The following P2RY8 variants were observed in gnomAD, a reference collection of about 807,000 sequenced individuals.
P2RY8 encodes P2Y receptor family member 8, also known as S-geranylgeranyl-glutathione receptor P2RY8.
In P2RY8, 6 loss-of-function variants were observed where a neutral mutation model predicts 10.0. The observed-to-expected ratio is 0.60, with a 90% CI of 0.33 to 1.19. P2RY8 has a LOEUF of 1.19. P2RY8 is among the 50% of genes most tolerant of loss of function. The pLI, the probability that P2RY8 is intolerant of heterozygous loss-of-function variation, is 0.04. For synonymous variants in P2RY8, 276 were observed against 252.5 expected, an observed-to-expected ratio of 1.09 and a Z score of -0.88; for missense variants, 456 against 542.0, an observed-to-expected ratio of 0.84 and a Z score of 1.58.
At chrX:1,494,882 T>TTG (rs2092101406) in intron 1 of P2RY8, among the ~76,000 whole-genome samples, 1 of 121,620 alleles carries the variant, frequency 8.2e-6, no homozygotes, top group Non-Finnish European at 1.9e-5. Flanking sequence ...TTTTTTTTTT[T>TTG]TTGTATTTTT....
chrX:1,466,625 G>T, intron 1 of P2RY8, 43 bp from the exon 2 acceptor site: 1 of 1,520,914 alleles, frequency 6.6e-7, no homozygotes, highest in Non-Finnish European at 8.8e-7. Flanking sequence ...AGGGGCGCAG[G>T]TAAAGAGGCG....
chrX:1,506,624 C>G (rs758911418), intron 1 of P2RY8, among the ~76,000 whole-genome samples: 1 of 152,008 alleles, frequency 6.6e-6, no homozygotes, highest in South Asian at 2.1e-4. Context: ...AGCTCCGTGA[C>G]TCAGAGGGAC....
chrX:1,476,712 T>C (rs2091878302), intron 1 of P2RY8, among the ~76,000 whole-genome samples: 1 of 152,072 alleles, frequency 6.6e-6, no homozygotes, highest in African/African-American at 2.4e-5. Context: ...TCAAGAATAG[T>C]TGGAAATGTA....
chrX:1,487,747 C>T (rs1306449850), intron 1 of P2RY8, among the ~76,000 whole-genome samples: 2 of 152,118 alleles, frequency 1.3e-5, no homozygotes, highest in Non-Finnish European at 2.9e-5. Flanking sequence ...GAGCATAGTC[C>T]TGGCCTGCTG....
intron 1 of P2RY8, among the ~76,000 whole-genome samples, chrX:1,467,379 C>G (rs2091700997): frequency 6.6e-6 from 1 of 152,132 alleles, no homozygotes. Context: ...GTTTCAGTTT[C>G]AGGGAGAAGT....
At chrX:1,504,856 G>T (rs7392010) in intron 1 of P2RY8, among the ~76,000 whole-genome samples, 28,286 of 152,030 alleles carry the variant, frequency 0.19, 2,998 homozygotes, top group Middle Eastern at 0.39. Flanking sequence ...GCATTGGCCA[G>T]GCGTGGTGGC....
chrX:1,517,708 C>T (rs2092361113), intron 1 of P2RY8, among the ~76,000 whole-genome samples: 1 of 152,114 alleles, frequency 6.6e-6, no homozygotes, highest in Non-Finnish European at 1.5e-5. Flanking sequence ...CAGACCCAAG[C>T]GAGGTCTCAG....
intron 1 of P2RY8, among the ~76,000 whole-genome samples, chrX:1,530,065 C>CCT (rs1172722165): frequency 3.3e-5 from 5 of 150,882 alleles, no homozygotes; most frequent in African/African-American, 1.2e-4. Flanking sequence ...GAGAATCTCT[C>CCT]CTCTCTCTCT....
At chrX:1,525,828 T>C (rs1272141437) in intron 1 of P2RY8, among the ~76,000 whole-genome samples, 5 of 151,882 alleles carry the variant, frequency 3.3e-5, no homozygotes, top group Non-Finnish European at 5.9e-5. Flanking sequence ...CGCCCATTCA[T>C]TTATTCATGC....
rs370712855 is a variant in P2RY8 at position 1,493,014 on chromosome X, G to GA, written c.-24-26433dup. On this transcript the variant is annotated intron_variant, in intron 1 of 1. Coordinates refer to ENST00000381297, the MANE Select transcript of P2RY8 (RefSeq NM_178129.5). ...AACAGCACCTGTCTCACGAAGTTTC[G>GA]AAAATCCCAGAGATCAGGCCAGGCG... Among the ~76,000 whole-genome samples, 80 of 151,790 alleles carry GA rather than the reference G, an allele frequency of 5.3e-4. 1 individual carries two copies. The highest frequency in any genetic ancestry group is 1.8e-3 in the African/African-American group (76 of 41,398).
At chrX:1,499,163 C>CTTTTTTTTT (rs1163119480) in intron 1 of P2RY8, among the ~76,000 whole-genome samples, 1 of 48,438 alleles carries the variant, frequency 2.1e-5, no homozygotes, top group Admixed American at 2.3e-4. Flanking sequence ...TTTTTCTTTT[C>CTTTTTTTTT]TTTTTTTTTT....
At chrX:1,536,469 C>T (rs2092528052) in intron 1 of P2RY8, among the ~76,000 whole-genome samples, 1 of 152,004 alleles carries the variant, frequency 6.6e-6, no homozygotes. Flanking sequence ...ACCGTGTTAG[C>T]CAGGATGGTC....
At chrX:1,496,325 G>A (rs1375896063) in intron 1 of P2RY8, among the ~76,000 whole-genome samples, 3 of 152,178 alleles carry the variant, frequency 2.0e-5, no homozygotes, top group Admixed American at 6.5e-5. Context: ...GAGACAGCAC[G>A]TTACAGGGTG....
chrX:1,467,046 C>G lies in P2RY8; in HGVS notation c.-24-464G>C, dbSNP rs1324450862. Among the ~76,000 whole-genome samples the G allele has an allele frequency of 3.7e-5, 5 of 136,752 alleles. No individual in the cohort carries two copies. In the East Asian group the frequency reaches 1.1e-3, roughly 30 times the overall value. 89.7% of individuals were successfully genotyped at this position (136,752 alleles called of 152,430 possible). A position where few individuals can be genotyped will look rare whatever the true frequency, so the allele number is the denominator to read the frequency against. ...TCATACAAACCTCAAGACTCAGTGT[C>G]CCCCGTGGACGGAAACCACAAAGCC... is the stretch of plus-strand genomic sequence containing the variant. On this transcript the variant is annotated intron_variant, in intron 1 of 1. Coordinates refer to ENST00000381297, the MANE Select transcript of P2RY8 (RefSeq NM_178129.5).
At chrX:1,492,179 G>A (rs185331483) in intron 1 of P2RY8, among the ~76,000 whole-genome samples, 26 of 152,114 alleles carry the variant, frequency 1.7e-4, no homozygotes, top group African/African-American at 5.8e-4. Context: ...AGGGGGGTGT[G>A]GTCCAAGCCT....
chrX:1,511,536 A>T (rs5989779), intron 1 of P2RY8, among the ~76,000 whole-genome samples: 110,464 of 152,020 alleles, frequency 0.73, 40,507 homozygotes, highest in Middle Eastern at 0.81. Context: ...TTGTTTCTTT[A>T]AGCGACGAGA....
intron 1 of P2RY8, among the ~76,000 whole-genome samples, chrX:1,505,136 TCAA>T (rs1268656662): frequency 4.3e-4 from 11 of 25,310 alleles, no homozygotes; most frequent in African/African-American, 1.2e-3. Flanking sequence ...AGACTCTGTC[TCAA>T]AAAAAAAAAA....
Position 1,537,120 on chromosome X carries a change from C to T in P2RY8, c.-224G>A, listed in dbSNP as rs373142061. On this transcript the variant is annotated 5_prime_UTR_variant, in exon 1 of 2. Coordinates refer to ENST00000381297, the MANE Select transcript of P2RY8 (RefSeq NM_178129.5). ...CGGCTGCCCTTCCAGTTCCATCTGT[C>T]CAGCAACCTTGCAAAGGCGGCCGCT... 104 of 232,766 alleles carry T rather than the reference C, an allele frequency of 4.5e-4. 3 individuals are homozygous for T. The South Asian group carries it at 0.018, about 41-fold the overall frequency. 14.4% of individuals were successfully genotyped at this position (232,766 alleles called of 1,614,324 possible). A position where few individuals can be genotyped will look rare whatever the true frequency, so the allele number is the denominator to read the frequency against.
intron 1 of P2RY8, among the ~76,000 whole-genome samples, chrX:1,529,157 G>A (rs1319240951): frequency 6.6e-6 from 1 of 152,144 alleles, no homozygotes; most frequent in Non-Finnish European, 1.5e-5. Context: ...TTTCCCCTGA[G>A]ACCTGACCTG....
Sources: allele counts gnomAD v4.1 joint callset (sites outside exome capture counted in the v4.1 genomes callset), GRCh38; gene constraint gnomAD v4.1.1; transcripts MANE v1.5; gene names NCBI Gene and HGNC (gene_info 2026-07-23, HGNC 2026-07-21).